MAML2: variants seen among roughly 807,000 people sequenced by gnomAD.
MAML2 encodes mastermind like transcriptional coactivator 2, also known as mastermind-like protein 2.
In MAML2, 22 loss-of-function variants were observed where a neutral mutation model predicts 96.1. That is an observed-to-expected ratio of 0.23 (90% CI 0.16 to 0.33). MAML2 has a LOEUF of 0.33. MAML2 is among the 10% of genes least tolerant of loss of function. The pLI, the probability that MAML2 is intolerant of heterozygous loss-of-function variation, is 1.00. For synonymous variants in MAML2, 561 were observed against 521.3 expected (o/e 1.08, Z -1.04); for missense variants, 1,367 against 1,392.4 (o/e 0.98, Z 0.29).
intron 1 of MAML2, among the ~76,000 whole-genome samples, chr11:96,119,200 T>C (rs972944858): frequency 6.6e-6 from 1 of 152,210 alleles, no homozygotes; most frequent in Non-Finnish European, 1.5e-5. Flanking sequence ...CCTGTGAATA[T>C]GTGAACTTAC....
intron 1 of MAML2, among the ~76,000 whole-genome samples, chr11:96,225,290 T>C (rs1356664421): frequency 1.3e-5 from 2 of 152,198 alleles, no homozygotes; most frequent in African/African-American, 2.4e-5. Flanking sequence ...CCAGCCACCA[T>C]GTCAGGAGGA....
At chr11:96,138,624 G>A (rs573827997) in intron 1 of MAML2, among the ~76,000 whole-genome samples, 68 of 152,178 alleles carry the variant, frequency 4.5e-4, no homozygotes, top group South Asian at 1.7e-3. Context: ...AAGAAAGATG[G>A]GGGGGTTGGT....
rs1209381253 is a variant in MAML2, at chr11:96,092,189, CTGT to C, written c.1839_1841del (p.Gln621del). The C allele has an allele frequency of 3.9e-6, 6 of 1,535,458 alleles. No homozygotes were observed. The highest frequency in any genetic ancestry group is 5.3e-6 in the Non-Finnish European group (6 of 1,140,394). On this transcript the variant is annotated inframe_deletion, in exon 2 of 5. Coordinates refer to ENST00000524717, the MANE Select transcript of MAML2 (RefSeq NM_032427.4). This position sits in a 1 kb window ranked among gnomAD's most constrained non-coding sequence, Gnocchi z 4.1. ...AACTCTGCTGTTGCTGTTGCTGTTG[CTGT>C]TGCTGCTGCTGCTGCTGTTGCTGCT...
At chr11:96,275,225 A>AT (rs1250547999) in intron 1 of MAML2, among the ~76,000 whole-genome samples, 1 of 151,590 alleles carries the variant, frequency 6.6e-6, no homozygotes, top group Non-Finnish European at 1.5e-5. Flanking sequence ...GTTCTTAAAC[A>AT]TATCCTAACT....
chr11:95,977,603 A>G lies in MAML2; in HGVS notation c.*1345T>C, dbSNP rs528102896. The G allele has an allele frequency of 7.0e-5, 15 of 213,602 alleles. 1 individual carries two copies. Among genetic ancestry groups the G allele is most frequent in the Admixed American group, 2.9e-4 (5 of 17,092 alleles). The allele number at this position is 213,602 out of a possible 1,614,324, so 13.2% of individuals were successfully genotyped here. ...TGATATTTTGCATTCATTCCAAATC[A>G]GCACACGTCTTCCCCATTTTACAGC... On this transcript the variant is annotated 3_prime_UTR_variant, in exon 5 of 5. Coordinates refer to ENST00000524717, the MANE Select transcript of MAML2 (RefSeq NM_032427.4).
intron 1 of MAML2, among the ~76,000 whole-genome samples, chr11:96,285,369 A>T (rs1863124649): frequency 6.6e-6 from 1 of 152,194 alleles, no homozygotes; most frequent in Admixed American, 6.5e-5. Flanking sequence ...AACTTTAAAC[A>T]CCTTAGAAGA....
chr11:96,294,135 C>T (rs1863253746), intron 1 of MAML2, among the ~76,000 whole-genome samples: 1 of 152,022 alleles, frequency 6.6e-6, no homozygotes, highest in Non-Finnish European at 1.5e-5. Context: ...TATCTTTGCC[C>T]CAAAGCAGTT....
chr11:96,223,386 A>G (rs2135948520), intron 1 of MAML2, among the ~76,000 whole-genome samples: 1 of 152,288 alleles, frequency 6.6e-6, no homozygotes, highest in South Asian at 2.1e-4. Context: ...GTCATTATCA[A>G]CATTTATTTG....
intron 2 of MAML2, among the ~76,000 whole-genome samples, chr11:96,007,284 T>A (rs1858198217): frequency 7.4e-6 from 1 of 135,114 alleles, no homozygotes; most frequent in Admixed American, 7.4e-5. Context: ...GTGCTGGGAT[T>A]ACAGGCGTGA....
chr11:96,297,046 T>G (rs1863312008), intron 1 of MAML2, among the ~76,000 whole-genome samples: 1 of 152,040 alleles, frequency 6.6e-6, no homozygotes, highest in African/African-American at 2.4e-5. Context: ...CCTGTGCACA[T>G]CATAGGTACT....
chr11:96,003,124 T>TATGGGGATGAGGAGGATG (rs1211127682), intron 2 of MAML2, among the ~76,000 whole-genome samples: 6 of 44,820 alleles, frequency 1.3e-4, no homozygotes, highest in African/African-American at 1.9e-4. Flanking sequence ...TGAAGATGAT[T>TATGGGGATGAGGAGGATG]ATGGGGATGA....
At chr11:96,235,055 G>A (rs1448729906) in intron 1 of MAML2, among the ~76,000 whole-genome samples, 1 of 152,028 alleles carries the variant, frequency 6.6e-6, no homozygotes, top group Non-Finnish European at 1.5e-5. Context: ...GCTATAAAAA[G>A]AGTCAGTTTT....
intron 2 of MAML2, among the ~76,000 whole-genome samples, chr11:96,045,853 G>A (rs1023868832): frequency 4.0e-5 from 6 of 149,264 alleles, no homozygotes; most frequent in Admixed American, 6.7e-5. Flanking sequence ...TTTTTCCCTC[G>A]TAACCTTTTG....
chr11:96,002,913 TG>T (rs1591085579), intron 2 of MAML2, among the ~76,000 whole-genome samples: 1 of 140,840 alleles, frequency 7.1e-6, no homozygotes, highest in Non-Finnish European at 1.5e-5. Flanking sequence ...ATGAGAAAGA[TG>T]ATGGGGATAA....
intron 2 of MAML2, among the ~76,000 whole-genome samples, chr11:96,091,681 A>G (rs879719892): frequency 3.9e-5 from 6 of 152,206 alleles, no homozygotes; most frequent in Admixed American, 6.5e-5. Flanking sequence ...ACAGATCACA[A>G]TGATACTAAT....
At chr11:95,996,930 G>A (rs931322653) in intron 2 of MAML2, among the ~76,000 whole-genome samples, 1 of 152,056 alleles carries the variant, frequency 6.6e-6, no homozygotes, top group African/African-American at 2.4e-5. Context: ...GGTAAAAATC[G>A]CACATTCTCA....
At chr11:96,081,866 G>A (rs527770026) in intron 2 of MAML2, among the ~76,000 whole-genome samples, 1 of 152,260 alleles carries the variant, frequency 6.6e-6, no homozygotes, top group South Asian at 2.1e-4. Context: ...TGGACATGAA[G>A]ATATTTGCAA....
At chr11:96,202,889 A>C (rs1861846202) in intron 1 of MAML2, among the ~76,000 whole-genome samples, 1 of 152,114 alleles carries the variant, frequency 6.6e-6, no homozygotes, top group Non-Finnish European at 1.5e-5. Flanking sequence ...CGGCCTCCCA[A>C]AGTGCTCAGA....
At chr11:96,039,559 G>C (rs1397633245) in intron 2 of MAML2, among the ~76,000 whole-genome samples, 2 of 152,182 alleles carry the variant, frequency 1.3e-5, no homozygotes, top group African/African-American at 4.8e-5. Context: ...GAAGGTTTCT[G>C]ACATGGCGCA....
Sources: allele counts gnomAD v4.1 joint callset (sites outside exome capture counted in the v4.1 genomes callset), GRCh38; gene constraint gnomAD v4.1.1; non-coding constraint Gnocchi (gnomAD v3.1); transcripts MANE v1.5; gene names NCBI Gene and HGNC (gene_info 2026-07-23, HGNC 2026-07-21).